BAZ2A: variants seen among roughly 807,000 people sequenced by gnomAD.
BAZ2A encodes bromodomain adjacent to zinc finger domain protein 2A.
Under a neutral mutation model 199.9 loss-of-function variants are expected in BAZ2A, and 34 were observed. The observed-to-expected ratio is 0.17, with a 90% CI of 0.13 to 0.23. The LOEUF is 0.23. BAZ2A is among the 10% of genes least tolerant of loss of function. The pLI is 1.00. For synonymous variants in BAZ2A, 857 were observed against 883.9 expected (o/e 0.97, Z 0.54); for missense variants, 2,002 against 2,391.1 (o/e 0.84, Z 3.39).
At chr12:56,613,439 C>T (rs1003468173) in intron 4 of BAZ2A, among the ~76,000 whole-genome samples, 4 of 151,934 alleles carry the variant, frequency 2.6e-5, no homozygotes, top group South Asian at 2.1e-4. Flanking sequence ...GAGGGGAGGC[C>T]GAGGCAGAAG....
chr12:56,611,754 A>G lies in BAZ2A; in HGVS notation c.1609+19T>C. On this transcript the variant is annotated intron_variant, in intron 6 of 28. Transcript: ENST00000549884. Reference sequence around the variant, plus strand: ...TTTCTTGGAACCAGACAGGGATAGAATAGAATCTGGATACTCACCACTACC... The same window carrying G: ...TTTCTTGGAACCAGACAGGGATAGAGTAGAATCTGGATACTCACCACTACC... 3.3e-6 allele frequency: 5 copies of G among 1,521,142 alleles called. No homozygotes were observed. The highest frequency in any genetic ancestry group is 4.4e-6 in the Non-Finnish European group (5 of 1,136,630). The allele number at this position is 1,521,142 out of a possible 1,614,324, so 94.2% of individuals were successfully genotyped here. A position where few individuals can be genotyped will look rare whatever the true frequency, so the allele number is the denominator to read the frequency against.
Position 56,626,037 on chromosome 12 carries a change from C to A in BAZ2A, c.-3+4088G>T, listed in dbSNP as rs1951088569. ...CACTAAGCCAATGCTACTTTTACTG[C>A]TAGTGACAGTATCTTCAAAGTATCA... On this transcript the variant is annotated intron_variant, in intron 1 of 28. Coordinates refer to ENST00000549884, the MANE Select transcript of BAZ2A (RefSeq NM_001300905.2). Among the ~76,000 whole-genome samples, 5 of 152,112 alleles carry A rather than the reference C, an allele frequency of 3.3e-5. No homozygotes were observed. The South Asian group carries it at 1.0e-3, about 31-fold the overall frequency.
intron 1 of BAZ2A, among the ~76,000 whole-genome samples, chr12:56,622,513 A>T (rs1178149277): frequency 6.6e-6 from 1 of 152,026 alleles, no homozygotes. Flanking sequence ...ACATGTGAAC[A>T]CCTCCTCTCA....
intron 1 of BAZ2A, among the ~76,000 whole-genome samples, chr12:56,619,332 C>T (rs1252385344): frequency 2.8e-5 from 4 of 145,064 alleles, no homozygotes; most frequent in Admixed American, 1.4e-4. Context: ...GGGACAAGAG[C>T]GAGACTTCAT....
chr12:56,599,946 GCT>G lies in BAZ2A; in HGVS notation c.5025+16_5025+17del, dbSNP rs770429823. On this transcript the variant is annotated intron_variant, in intron 25 of 28. Transcript: ENST00000549884. Reference sequence around the variant, plus strand: ...CTGGCTGGCCCCTCAGCCTCTCCAGGCTCTCTCAGCCTCTTACCACTTTGTTG... The same window carrying G: ...CTGGCTGGCCCCTCAGCCTCTCCAGGCTCTCAGCCTCTTACCACTTTGTTG... The G allele has an allele frequency of 1.4e-5, 22 of 1,613,564 alleles. No individual in the cohort carries two copies. The highest frequency in any genetic ancestry group is 2.2e-5 in the East Asian group (1 of 44,874).
At chr12:56,599,625 C>T (rs1886221375) in intron 26 of BAZ2A, 77 bp downstream of exon 26, 1 of 1,599,392 alleles carries the variant, frequency 6.3e-7, no homozygotes, top group African/African-American at 1.3e-5. Context: ...GTCTAGGACT[C>T]TTTCCAAGGA....
At chr12:56,604,492 C>T in intron 15 of BAZ2A, 93 bp downstream of exon 15, 1 of 1,406,476 alleles carries the variant, frequency 7.1e-7, no homozygotes, top group Non-Finnish European at 9.6e-7. Flanking sequence ...TGGCAGTGAA[C>T]ACACATTTCT....
At chr12:56,624,885 G>A (rs909467455) in intron 1 of BAZ2A, among the ~76,000 whole-genome samples, 9 of 152,212 alleles carry the variant, frequency 5.9e-5, no homozygotes, top group African/African-American at 1.9e-4. Flanking sequence ...TCACACCACC[G>A]TTTTCAACCA....
chr12:56,630,638 A>C, upstream of BAZ2A: 1 of 433,116 alleles, frequency 2.3e-6, no homozygotes, highest in Non-Finnish European at 3.1e-6. Flanking sequence ...ACAGGCTGGT[A>C]GGGGTAAGAG....
Position 56,605,845 on chromosome 12 carries a change from A to T in BAZ2A, c.2478T>A (p.Cys826Ter). ...EEMKKPTEDM[C>*]LTDHQPLPDF... ...TCCTCACTACCTGGTGGTCAGTCAG[A>T]CACATATCCTCTGTCGGCTTCTTCA... is the stretch of plus-strand genomic sequence containing the variant. Residue 826 changes from cysteine to a stop codon, truncating the protein, a stop_gained, in exon 13 of 29, where the codon TGT becomes TGA. Coordinates refer to ENST00000549884, the MANE Select transcript of BAZ2A (RefSeq NM_001300905.2). LOFTEE classifies it high-confidence loss of function. 6.2e-7 allele frequency: 1 copy of T among 1,609,558 alleles called. No individual in the cohort carries two copies. Among genetic ancestry groups the T allele is most frequent in the Non-Finnish European group, 8.5e-7 (1 of 1,177,982 alleles).
upstream of BAZ2A, among the ~76,000 whole-genome samples, chr12:56,632,920 C>T (rs17118874): frequency 0.014 from 2,161 of 152,194 alleles, 57 homozygotes; most frequent in African/African-American, 0.048. Flanking sequence ...CCAAATGTCC[C>T]GAAACACTCC....
At position 56,596,235 on chromosome 12, in the gene BAZ2A, C is replaced by CTGAT. The variant is rs1368074757; in HGVS notation, c.*2379_*2382dup. ...GTGTGGTTTCTTCCTGTCAACCAGACTGATGGGAGGGAAGCAAAAGGGCAG... is the reference window on the plus strand; with the variant it reads ...GTGTGGTTTCTTCCTGTCAACCAGACTGATTGATGGGAGGGAAGCAAAAGGGCAG... On this transcript the variant is annotated 3_prime_UTR_variant, in exon 29 of 29. Transcript: ENST00000549884. 1 of 152,740 alleles carries CTGAT rather than the reference C, an allele frequency of 6.5e-6. No homozygotes were observed. Among genetic ancestry groups the CTGAT allele is most frequent in the Non-Finnish European group, 1.5e-5 (1 of 68,074 alleles). The allele number at this position is 152,740 out of a possible 1,614,324, so 9.5% of individuals were successfully genotyped here.
rs1217830187 is a variant in BAZ2A at position 56,625,696 on chromosome 12, T to C, written c.-3+4429A>G. On this transcript the variant is annotated intron_variant, in intron 1 of 28. Transcript: ENST00000549884. Reference sequence around the variant, plus strand: ...ATCGAGACCATCCTGGCTAACACGGTGAAACCCCGTCTCTACTAAAAATAC... The same window carrying C: ...ATCGAGACCATCCTGGCTAACACGGCGAAACCCCGTCTCTACTAAAAATAC... Among the ~76,000 whole-genome samples, 3 of 150,976 alleles carry C rather than the reference T, an allele frequency of 2.0e-5. No individual in the cohort carries two copies. In the East Asian group the frequency reaches 5.9e-4, roughly 29 times the overall value.
chr12:56,603,754 T>C, intron 16 of BAZ2A, 54 bp from the exon 17 acceptor site: 2 of 1,593,498 alleles, frequency 1.3e-6, no homozygotes, highest in Non-Finnish European at 1.7e-6. Context: ...GGCTCACACC[T>C]GTAATTCCAG....
At position 56,601,882 on chromosome 12, in the gene BAZ2A, G is replaced by T; in HGVS notation, c.3735C>A (p.Phe1245Leu). The T allele has an allele frequency of 6.2e-7, 1 of 1,613,384 alleles. No individual in the cohort carries two copies. The highest frequency in any genetic ancestry group is 8.5e-7 in the Non-Finnish European group (1 of 1,179,616). Reference sequence around the variant, plus strand: ...ACAAAGGGGAGCCTTCTTGCTCCAGGAACCCCTTATGGGACTGAAGCTGAA... The same window carrying T: ...ACAAAGGGGAGCCTTCTTGCTCCAGTAACCCCTTATGGGACTGAAGCTGAA... ...LQLQLQSHKG[F>L]LEQEGSPLSL... Residue 1245 changes from phenylalanine (F) to leucine (L), a missense_variant, in exon 20 of 29, where the codon TTC (phenylalanine) becomes TTA (leucine). Around this residue, in one of 6 missense-constraint regions of BAZ2A, gnomAD observed 1,081 missense variants for 1,274.7 expected, o/e 0.85. Transcript: ENST00000549884.
At chr12:56,617,649 A>G in intron 1 of BAZ2A, 117 bp from the exon 2 acceptor site, 1 of 1,153,096 alleles carries the variant, frequency 8.7e-7, no homozygotes, top group Non-Finnish European at 1.2e-6. Context: ...TCTCCTACCT[A>G]AGTACTGTGT....
In BAZ2A at chr12:56,601,756, T is replaced by C. The variant is rs2136770840; in HGVS notation, c.3861A>G (p.Thr1287=). The C allele has an allele frequency of 6.2e-7, 1 of 1,613,878 alleles. No individual in the cohort carries two copies. The highest frequency in any genetic ancestry group is 8.5e-7 in the Non-Finnish European group (1 of 1,179,840). ...HSSLLSSSVL[T]PDSSPGKLDP... is the part of the protein sequence containing the mutation. ...CTAGTTTTCCCGGACTGCTATCAGGTGTGAGGACTGAGCTGCTCAACAGGG... is the reference window on the plus strand; with the variant it reads ...CTAGTTTTCCCGGACTGCTATCAGGCGTGAGGACTGAGCTGCTCAACAGGG... Residue 1287 remains threonine (T), a synonymous_variant, in exon 20 of 29, where the codon ACA becomes ACG. Transcript: ENST00000549884.
intron 1 of BAZ2A, among the ~76,000 whole-genome samples, chr12:56,625,567 A>G (rs1951062298): frequency 6.6e-6 from 1 of 152,140 alleles, no homozygotes; most frequent in Non-Finnish European, 1.5e-5. Flanking sequence ...CAACCTCAAA[A>G]GACTAAAAGT....
chr12:56,611,993 G>T lies in BAZ2A; in HGVS notation c.1389C>A (p.Val463=), dbSNP rs757196557. ...AGGAAGCTGGAGAGACCACTGAGAAGACTGCTGGAGAGACAACTGTAGAAG... is the reference window on the plus strand; with the variant it reads ...AGGAAGCTGGAGAGACCACTGAGAATACTGCTGGAGAGACAACTGTAGAAG... ...PAASTVVSPA[V]FSVVSPASSA... Residue 463 remains valine, a synonymous_variant, in exon 6 of 29, where the codon GTC becomes GTA. Transcript: ENST00000549884. 3.1e-6 allele frequency: 5 copies of T among 1,613,762 alleles called. No individual in the cohort carries two copies. The highest frequency in any genetic ancestry group is 1.7e-5 in the Admixed American group (1 of 59,974).
Sources: allele counts gnomAD v4.1 joint callset (sites outside exome capture counted in the v4.1 genomes callset), GRCh38; gene constraint gnomAD v4.1.1; regional missense constraint gnomAD v4.1.1; transcripts MANE v1.5; gene names NCBI Gene and HGNC (gene_info 2026-07-23, HGNC 2026-07-21).